Variants in LUZP2 observed in about 807,000 individuals in gnomAD.
LUZP2 encodes leucine zipper protein 2.
Under a neutral mutation model 51.6 loss-of-function variants are expected in LUZP2, and 52 were observed. The ratio of observed to expected loss-of-function variants is 1.01; its 90% CI spans 0.81 to 1.27. The LOEUF is 1.27. Among genes scored for constraint, LUZP2 ranks in the 50% most tolerant of loss-of-function variants. The probability of loss-of-function intolerance (pLI) is 0.00; values close to 1 mark genes in which losing one functional copy is unlikely to be tolerated. For missense variants in LUZP2, 436 were observed against 395.4 expected (o/e 1.10, Z -0.87); for synonymous variants, 154 against 137.3 (o/e 1.12, Z -0.85).
At chr11:24,873,172 G>A (rs991531160) in intron 5 of LUZP2, among the ~76,000 whole-genome samples, 2 of 152,112 alleles carry the variant, frequency 1.3e-5, no homozygotes, top group Non-Finnish European at 2.9e-5. Context: ...ATCACAGCAG[G>A]CAACACAAGA....
At chr11:24,881,281 A>G (rs1376694340) in intron 5 of LUZP2, among the ~76,000 whole-genome samples, 3 of 151,558 alleles carry the variant, frequency 2.0e-5, no homozygotes, top group South Asian at 2.1e-4. Flanking sequence ...CTTGATAAAG[A>G]TATTTTAATA....
intron 1 of LUZP2, among the ~76,000 whole-genome samples, chr11:24,577,009 G>A (rs1852674912): frequency 6.6e-6 from 1 of 151,928 alleles, no homozygotes; most frequent in African/African-American, 2.4e-5. Context: ...GCAATGAATA[G>A]ATGCTTTATC....
intron 5 of LUZP2, among the ~76,000 whole-genome samples, chr11:24,817,720 C>T (rs1343840057): frequency 6.6e-6 from 1 of 151,868 alleles, no homozygotes; most frequent in Non-Finnish European, 1.5e-5. Context: ...GCAGATTTGT[C>T]CTCAGTAAAG....
intron 5 of LUZP2, among the ~76,000 whole-genome samples, chr11:24,823,960 G>C (rs111523164): frequency 9.9e-5 from 15 of 152,180 alleles, no homozygotes; most frequent in African/African-American, 3.4e-4. Context: ...CTATTAGGGA[G>C]GCTGAGGCAG....
intron 5 of LUZP2, among the ~76,000 whole-genome samples, chr11:24,771,755 C>T (rs918063947): frequency 1.3e-5 from 2 of 152,008 alleles, no homozygotes; most frequent in Admixed American, 6.6e-5. Context: ...ATCATGGGGG[C>T]AGTTTTCCCC....
intron 6 of LUZP2, 130 bp from the exon 7 acceptor site, chr11:24,914,346 A>T: frequency 1.5e-6 from 1 of 665,672 alleles, no homozygotes; most frequent in Non-Finnish European, 2.6e-6. Flanking sequence ...TTTCTGCTTT[A>T]CTTCTAAACT....
intron 7 of LUZP2, among the ~76,000 whole-genome samples, chr11:24,938,071 T>C (rs1854641639): frequency 6.6e-6 from 1 of 152,108 alleles, no homozygotes; most frequent in African/African-American, 2.4e-5. Flanking sequence ...CTTTTTATTT[T>C]AGACAAATGT....
At chr11:24,877,469 C>G (rs148639256) in intron 5 of LUZP2, among the ~76,000 whole-genome samples, 1,722 of 151,974 alleles carry the variant, frequency 0.011, 25 homozygotes, top group African/African-American at 0.039. Flanking sequence ...TTTATGGGTA[C>G]ATAGTAAGTA....
chr11:24,994,037 T>C (rs1157692456), intron 9 of LUZP2, among the ~76,000 whole-genome samples: 2 of 152,136 alleles, frequency 1.3e-5, no homozygotes, highest in Non-Finnish European at 2.9e-5. Flanking sequence ...ATTTTTGTAT[T>C]TTTAGTAAAG....
At chr11:25,020,542 A>G (rs1327099830) in intron 9 of LUZP2, among the ~76,000 whole-genome samples, 1 of 151,874 alleles carries the variant, frequency 6.6e-6, no homozygotes, top group Non-Finnish European at 1.5e-5. Flanking sequence ...ATGTTTCACT[A>G]GTCACATCTT....
intron 5 of LUZP2, among the ~76,000 whole-genome samples, chr11:24,845,784 C>T (rs1851180702): frequency 6.7e-6 from 1 of 150,248 alleles, no homozygotes; most frequent in Non-Finnish European, 1.5e-5. Context: ...TAAGACATGA[C>T]CTGCTCTTCC....
intron 1 of LUZP2, among the ~76,000 whole-genome samples, chr11:24,625,037 G>A (rs1187577735): frequency 1.3e-5 from 2 of 152,102 alleles, no homozygotes. Context: ...AAATGCCATT[G>A]ACATGGATGA....
At chr11:25,049,228 C>G (rs1590875661) in intron 9 of LUZP2, among the ~76,000 whole-genome samples, 1 of 152,040 alleles carries the variant, frequency 6.6e-6, no homozygotes, top group Non-Finnish European at 1.5e-5. Context: ...TGATCAAAGT[C>G]TCAGACTCAG....
intron 5 of LUZP2, among the ~76,000 whole-genome samples, chr11:24,832,994 A>G (rs1260964077): frequency 1.3e-5 from 2 of 152,194 alleles, no homozygotes; most frequent in Non-Finnish European, 2.9e-5. Flanking sequence ...CTTTTGGACT[A>G]ATCACCTAAC....
intron 1 of LUZP2, among the ~76,000 whole-genome samples, chr11:24,725,431 T>C (rs1858438239): frequency 6.6e-6 from 1 of 152,154 alleles, no homozygotes; most frequent in South Asian, 2.1e-4. Context: ...TATATGTTTA[T>C]ATGTAGATAC....
chr11:24,697,484 T>C (rs1857284937), intron 1 of LUZP2, among the ~76,000 whole-genome samples: 1 of 152,224 alleles, frequency 6.6e-6, no homozygotes. Flanking sequence ...AGACTCTATC[T>C]TGCCTCTAAC....
At chr11:24,650,909 C>G (rs886132246) in intron 1 of LUZP2, among the ~76,000 whole-genome samples, 4 of 152,024 alleles carry the variant, frequency 2.6e-5, no homozygotes, top group Admixed American at 2.6e-4. Flanking sequence ...TTGTAAGTCT[C>G]AATTTCTTCA....
intron 9 of LUZP2, among the ~76,000 whole-genome samples, chr11:25,045,441 A>T (rs183872240): frequency 9.2e-5 from 14 of 151,686 alleles, no homozygotes; most frequent in African/African-American, 3.1e-4. Context: ...GCTCTGTGTG[A>T]ACTTAATAGT....
intron 5 of LUZP2, among the ~76,000 whole-genome samples, chr11:24,802,051 T>C (rs1849713410): frequency 6.6e-6 from 1 of 151,984 alleles, no homozygotes; most frequent in Non-Finnish European, 1.5e-5. Flanking sequence ...ATTACCAAAA[T>C]CAGAAGTCTC....
Sources: allele counts gnomAD v4.1 joint callset (sites outside exome capture counted in the v4.1 genomes callset), GRCh38; gene constraint gnomAD v4.1.1; transcripts MANE v1.5; gene names NCBI Gene and HGNC (gene_info 2026-07-23, HGNC 2026-07-21).